Variants in ARHGAP15 observed in about 807,000 individuals in gnomAD.
ARHGAP15 encodes rho GTPase-activating protein 15.
Under a neutral mutation model 63.7 loss-of-function variants are expected in ARHGAP15, and 51 were observed. The observed-to-expected ratio is 0.80, with a 90% confidence interval of 0.64 to 1.01. The LOEUF (loss-of-function observed/expected upper bound fraction) is 1.01, where lower values mean the gene tolerates loss of function less well. Ranked by LOEUF, ARHGAP15 falls within the 50% of genes least tolerant of loss-of-function variation. The probability of loss-of-function intolerance (pLI) is 0.00; values close to 1 mark genes in which losing one functional copy is unlikely to be tolerated. For missense variants in ARHGAP15, 560 were observed against 564.6 expected (o/e 0.99, Z 0.08); for synonymous variants, 191 against 193.8 (o/e 0.99, Z 0.12).
intron 13 of ARHGAP15, among the ~76,000 whole-genome samples, chr2:143,707,850 T>C (rs1325298927): frequency 6.6e-6 from 1 of 152,198 alleles, no homozygotes; most frequent in East Asian, 1.9e-4. Flanking sequence ...AAATCAGAGA[T>C]ACAGTCTTTT....
chr2:143,733,083 C>T (rs1476066555), intron 13 of ARHGAP15, among the ~76,000 whole-genome samples: 2 of 152,034 alleles, frequency 1.3e-5, no homozygotes, highest in Non-Finnish European at 2.9e-5. Context: ...AGGATTTCTC[C>T]AGTGGTGGTA....
At chr2:143,531,516 G>A (rs1243034699) in intron 10 of ARHGAP15, among the ~76,000 whole-genome samples, 5 of 152,068 alleles carry the variant, frequency 3.3e-5, no homozygotes, top group Non-Finnish European at 5.9e-5. Flanking sequence ...TAAGAAAAAA[G>A]AACTTTTTTT....
At chr2:143,338,942 T>C (rs542478361) in intron 6 of ARHGAP15, among the ~76,000 whole-genome samples, 72 of 152,276 alleles carry the variant, frequency 4.7e-4, no homozygotes, top group African/African-American at 1.7e-3. Context: ...AAAATTCAAG[T>C]TCTTTCCACT....
Position 143,330,108 on chromosome 2 carries a change from AAAAAAAAAAAAAAAAAAAAAAAACC to A in ARHGAP15, c.474+79514_474+79538del, listed in dbSNP as rs1418902079. ...AGGCTCTGTCTCAAAAAAAAAAAAAAAAAAAAAAAAAAAAAAAAAAAAACCAAAAACAAAAAACTAAACTAATGAT... is the reference window on the plus strand; with the variant it reads ...AGGCTCTGTCTCAAAAAAAAAAAAAAAAAAACAAAAAACTAAACTAATGAT... On this transcript the variant is annotated intron_variant, in intron 6 of 13. Coordinates refer to ENST00000295095, the MANE Select transcript of ARHGAP15 (RefSeq NM_018460.4). 2.4e-4 allele frequency among the ~76,000 whole-genome samples: 20 copies of A among 82,766 alleles called. 1 individual carries two copies. The East Asian group carries it at 3.6e-3, about 15-fold the overall frequency. 54.3% of individuals were successfully genotyped at this position (82,766 alleles called of 152,430 possible). A position where few individuals can be genotyped will look rare whatever the true frequency, so the allele number is the denominator to read the frequency against.
At chr2:143,300,884 G>A (rs936148265) in intron 6 of ARHGAP15, among the ~76,000 whole-genome samples, 4 of 151,962 alleles carry the variant, frequency 2.6e-5, no homozygotes, top group African/African-American at 9.7e-5. Context: ...CTCTCAGAGG[G>A]AACTACCAAA....
At chr2:143,256,484 T>G (rs1680433778) in intron 6 of ARHGAP15, among the ~76,000 whole-genome samples, 1 of 152,058 alleles carries the variant, frequency 6.6e-6, no homozygotes, top group Admixed American at 6.6e-5. Context: ...AATTAATTAA[T>G]CAATGACATA....
chr2:143,615,161 T>C (rs1698405343), intron 11 of ARHGAP15, among the ~76,000 whole-genome samples: 1 of 152,204 alleles, frequency 6.6e-6, no homozygotes, highest in Admixed American at 6.5e-5. Flanking sequence ...TTAAAAATTA[T>C]CATTAATAAT....
At chr2:143,356,345 A>C (rs1685809598) in intron 6 of ARHGAP15, among the ~76,000 whole-genome samples, 1 of 152,130 alleles carries the variant, frequency 6.6e-6, no homozygotes, top group African/African-American at 2.4e-5. Context: ...TGATCTTTGT[A>C]AGATGAATTA....
intron 6 of ARHGAP15, among the ~76,000 whole-genome samples, chr2:143,342,872 C>G (rs1255292278): frequency 6.6e-6 from 1 of 151,380 alleles, no homozygotes; most frequent in Admixed American, 6.7e-5. Context: ...TCACCTCTTC[C>G]AATACCACAC....
intron 6 of ARHGAP15, among the ~76,000 whole-genome samples, chr2:143,266,605 C>T (rs1424833885): frequency 6.6e-6 from 1 of 152,068 alleles, no homozygotes; most frequent in Non-Finnish European, 1.5e-5. Flanking sequence ...AAAAATGAAA[C>T]ATTTCTGAGA....
chr2:143,143,450 T>C (rs1689452881), intron 1 of ARHGAP15, among the ~76,000 whole-genome samples: 1 of 152,194 alleles, frequency 6.6e-6, no homozygotes, highest in South Asian at 2.1e-4. Context: ...AAATATTTTT[T>C]CACTATTTTG....
chr2:143,369,798 A>G (rs972343198), intron 6 of ARHGAP15, among the ~76,000 whole-genome samples: 1 of 152,128 alleles, frequency 6.6e-6, no homozygotes, highest in Non-Finnish European at 1.5e-5. Flanking sequence ...AGAACGCAGT[A>G]TTCTTTTTCT....
chr2:143,442,281 C>T (rs1342336350), intron 8 of ARHGAP15, among the ~76,000 whole-genome samples: 1 of 152,080 alleles, frequency 6.6e-6, no homozygotes, highest in African/African-American at 2.4e-5. Context: ...AACCATGTAC[C>T]AAGCCACAAA....
intron 6 of ARHGAP15, among the ~76,000 whole-genome samples, chr2:143,389,498 G>C (rs1421703012): frequency 6.6e-6 from 1 of 152,128 alleles, no homozygotes; most frequent in Non-Finnish European, 1.5e-5. Flanking sequence ...TCCCCGGCAG[G>C]TTCAGAAGTT....
At chr2:143,245,997 GA>G (rs1694033069) in intron 5 of ARHGAP15, among the ~76,000 whole-genome samples, 1 of 152,158 alleles carries the variant, frequency 6.6e-6, no homozygotes, top group Non-Finnish European at 1.5e-5. Flanking sequence ...GAAAAAAATG[GA>G]AAATGTGAAT....
At chr2:143,389,915 T>A (rs1035401939) in intron 6 of ARHGAP15, among the ~76,000 whole-genome samples, 1 of 151,846 alleles carries the variant, frequency 6.6e-6, no homozygotes, top group Non-Finnish European at 1.5e-5. Context: ...ATGGCCCTAC[T>A]CCTTTTGTTT....
Position 143,194,431 on chromosome 2 carries a change from G to T in ARHGAP15, c.166-7703G>T, listed in dbSNP as rs1193308602. Among the ~76,000 whole-genome samples the T allele has an allele frequency of 3.3e-5, 5 of 152,240 alleles. No homozygotes were observed. The East Asian group carries it at 9.7e-4, about 29-fold the overall frequency. ...TAGGAACTATAGCTTTGGCTTTGAT[G>T]AATTATATAATGTCTTAGATCTAAT... is the stretch of plus-strand genomic sequence containing the variant. On this transcript the variant is annotated intron_variant, in intron 2 of 13. Coordinates refer to ENST00000295095, the MANE Select transcript of ARHGAP15 (RefSeq NM_018460.4).
intron 6 of ARHGAP15, among the ~76,000 whole-genome samples, chr2:143,406,565 C>A (rs4662329): frequency 0.6 from 90,440 of 151,620 alleles, 27,374 homozygotes; most frequent in Admixed American, 0.71. Context: ...AAGTTTGTCA[C>A]TTTTTCCATT....
intron 13 of ARHGAP15, among the ~76,000 whole-genome samples, chr2:143,763,011 T>A (rs1686812783): frequency 6.6e-6 from 1 of 152,114 alleles, no homozygotes; most frequent in Non-Finnish European, 1.5e-5. Context: ...GATACTAAAT[T>A]GAGTTATATT....
Sources: allele counts gnomAD v4.1 joint callset (sites outside exome capture counted in the v4.1 genomes callset), GRCh38; gene constraint gnomAD v4.1.1; transcripts MANE v1.5; gene names NCBI Gene and HGNC (gene_info 2026-07-23, HGNC 2026-07-21).